Variants in ANKMY1 observed in about 807,000 individuals in gnomAD.
ANKMY1 encodes ankyrin repeat and MYND domain-containing protein 1.
A neutral mutation model predicts 102.0 loss-of-function variants in ANKMY1; 98 were observed. That is an observed-to-expected ratio of 0.96 (90% CI 0.82 to 1.14). The LOEUF (loss-of-function observed/expected upper bound fraction) is 1.14, where lower values mean the gene tolerates loss of function less well. Among genes scored for constraint, ANKMY1 ranks in the 50% most tolerant of loss-of-function variants. The pLI is 0.00. For synonymous variants in ANKMY1, 582 were observed against 559.9 expected, an observed-to-expected ratio of 1.04 and a Z score of -0.56; for missense variants, 1,330 against 1,347.6, an observed-to-expected ratio of 0.99 and a Z score of 0.20.
chr2:240,529,238 T>C lies in ANKMY1; in HGVS notation c.752A>G (p.Asp251Gly). The change falls in exon 5 of 18, where the codon GAC becomes GGC. Residue 251 changes from aspartate (D) to glycine (G), a missense_variant. Asp to Gly is a moderately conservative substitution (Grantham distance 94). Transcript: ENST00000401804. This position sits in a 1 kb window ranked among gnomAD's most constrained non-coding sequence, Gnocchi z 4.2. ...CATTTCTGGAGGCAGCGTTAGGTTG[T>C]CATTCAGAAGAAACCGCTTATAGTC... ...FYDYKRFLLN[D>G]NLTLPPEMYV... 16 of 1,614,184 alleles carry C rather than the reference T, an allele frequency of 9.9e-6. No individual in the cohort carries two copies. Among genetic ancestry groups the C allele is most frequent in the Non-Finnish European group, 1.4e-5 (16 of 1,180,024 alleles).
At chr2:240,521,585 G>A (rs935203648) in intron 8 of ANKMY1, among the ~76,000 whole-genome samples, 7 of 125,088 alleles carry the variant, frequency 5.6e-5, no homozygotes, top group Non-Finnish European at 7.9e-5. Flanking sequence ...TGCAAGCTCC[G>A]CCTCCCAGGT....
At chr2:240,531,251 A>T (rs866511895) in intron 4 of ANKMY1, among the ~76,000 whole-genome samples, 1 of 152,244 alleles carries the variant, frequency 6.6e-6, no homozygotes, top group South Asian at 2.1e-4. Flanking sequence ...AGTGTCGACA[A>T]GGATGTGAAA....
chr2:240,503,174 G>C (rs10180897), intron 13 of ANKMY1, among the ~76,000 whole-genome samples: 1 of 152,064 alleles, frequency 6.6e-6, no homozygotes, highest in African/African-American at 2.4e-5. Flanking sequence ...CCAGCCCAGC[G>C]TGTGTCTCTG....
At chr2:240,552,741 C>T in intron 4 of ANKMY1, 173 bp downstream of exon 4, 1 of 1,021,408 alleles carries the variant, frequency 9.8e-7, no homozygotes, top group Non-Finnish European at 1.4e-6. Flanking sequence ...TGCAAGGAGG[C>T]TTTTATTTTC....
intron 4 of ANKMY1, 72 bp downstream of exon 4, chr2:240,552,842 T>A: frequency 6.2e-7 from 1 of 1,606,408 alleles, no homozygotes. Flanking sequence ...AGGACCGAAA[T>A]ATCTTTTTGT....
chr2:240,529,565 G>C lies in ANKMY1; in HGVS notation c.481-56C>G. On this transcript the variant is annotated intron_variant, in intron 4 of 17. Transcript: ENST00000401804. The surrounding 1 kb of genome is among the most constrained non-coding windows in gnomAD (Gnocchi z 4.2). ...GATAACGCGACCCAGCTGCACATGT[G>C]ATCATGTTTGTAACGTCAAAAGAAA... is the stretch of plus-strand genomic sequence containing the variant. The C allele has an allele frequency of 6.9e-7, 1 of 1,456,402 alleles. No homozygotes were observed. 90.2% of individuals were successfully genotyped at this position (1,456,402 alleles called of 1,614,324 possible).
At chr2:240,480,911 G>T (rs1286837999) in intron 17 of ANKMY1, 26 bp downstream of exon 17, 1 of 1,594,034 alleles carries the variant, frequency 6.3e-7, no homozygotes, top group Non-Finnish European at 8.6e-7. Flanking sequence ...CGGAACCCTT[G>T]CCTCCCAGCC....
At chr2:240,526,571 C>A in intron 5 of ANKMY1, 126 bp from the exon 6 acceptor site, 1 of 1,494,248 alleles carries the variant, frequency 6.7e-7, no homozygotes, top group South Asian at 1.3e-5. Flanking sequence ...CTGTTCACTC[C>A]TCAGGTACCC....
intron 10 of ANKMY1, 98 bp from the exon 11 acceptor site, chr2:240,512,099 C>A: frequency 1.4e-6 from 2 of 1,381,602 alleles, no homozygotes; most frequent in South Asian, 3.1e-5. Context: ...GCCTGCGGGT[C>A]TGGAGTCTCA....
rs915061527 is a variant in ANKMY1, at chr2:240,520,239, C to A, written c.2004+123G>T. 1.4e-6 allele frequency: 2 copies of A among 1,407,240 alleles called. No individual in the cohort carries two copies. The highest frequency in any genetic ancestry group is 2.1e-5 in the Admixed American group (1 of 48,530). 87.2% of individuals were successfully genotyped at this position (1,407,240 alleles called of 1,614,324 possible). A position where few individuals can be genotyped will look rare whatever the true frequency, so the allele number is the denominator to read the frequency against. On this transcript the variant is annotated intron_variant, in intron 9 of 17. Transcript: ENST00000401804. This position sits in a 1 kb window ranked among gnomAD's most constrained non-coding sequence, Gnocchi z 4.8. Reference sequence around the variant, plus strand: ...TGCGGCGCGCCGTCATCACTCACAGCCCAGGTGGTCGCCTGCAAGAGCCCA... The same window carrying A: ...TGCGGCGCGCCGTCATCACTCACAGACCAGGTGGTCGCCTGCAAGAGCCCA...
chr2:240,542,741 T>C (rs2089288361), intron 4 of ANKMY1, among the ~76,000 whole-genome samples: 1 of 149,092 alleles, frequency 6.7e-6, no homozygotes, highest in South Asian at 2.1e-4. Context: ...TATATATATG[T>C]ATAAATTTAT....
Position 240,512,890 on chromosome 2 carries a change from C to G in ANKMY1, c.2057G>C (p.Gly686Ala). ...CAACAGCAGCTCCACAATCTGTACC[C>G]CCTCCTCCCCAGGAAGGGCGGCAGC... ...HIAAALPGEE[G>A]VQIVELLLHA... The change falls in exon 10 of 18, where the codon GGG (glycine) becomes GCG (alanine). Residue 686 changes from glycine to alanine, a missense_variant. Coordinates refer to ENST00000401804, the MANE Select transcript of ANKMY1 (RefSeq NM_001282771.3). 6.2e-7 allele frequency: 1 copy of G among 1,613,990 alleles called. No homozygotes were observed. The highest frequency in any genetic ancestry group is 8.5e-7 in the Non-Finnish European group (1 of 1,179,980).
intron 13 of ANKMY1, among the ~76,000 whole-genome samples, chr2:240,502,486 C>G (rs56266945): frequency 6.6e-6 from 1 of 152,048 alleles, no homozygotes; most frequent in Non-Finnish European, 1.5e-5. Context: ...CTGGGAGTCA[C>G]TGGGGACAGC....
chr2:240,498,431 G>A (rs2077567252), intron 15 of ANKMY1, among the ~76,000 whole-genome samples: 2 of 151,104 alleles, frequency 1.3e-5, no homozygotes, highest in South Asian at 4.2e-4. Context: ...AGTGTGCTGT[G>A]TGGGTGGGGA....
chr2:240,481,004 G>A lies in ANKMY1; in HGVS notation c.2979C>T (p.Ser993=), dbSNP rs773208443. 3 of 1,613,980 alleles carry A rather than the reference G, an allele frequency of 1.9e-6. No individual in the cohort carries two copies. Among genetic ancestry groups the A allele is most frequent in the South Asian group, 2.2e-5 (2 of 91,074 alleles). The change falls in exon 17 of 18, where the codon AGC becomes AGT. Residue 993 remains serine, a synonymous_variant. Coordinates refer to ENST00000401804, the MANE Select transcript of ANKMY1 (RefSeq NM_001282771.3). Reference sequence around the variant, plus strand: ...TCCAGGCCTTGGTCTTGCAGTACTTGCTGCAGGTCAGGATCCCGTAGCAGC... The same window carrying A: ...TCCAGGCCTTGGTCTTGCAGTACTTACTGCAGGTCAGGATCCCGTAGCAGC... ...CPRCYGILTC[S]KYCKTKAWTE...
At chr2:240,471,262 T>C in the ANKMY1 span, among the ~76,000 whole-genome samples, 1 of 146,342 alleles carries the variant, frequency 6.8e-6, no homozygotes, top group South Asian at 2.2e-4. Flanking sequence ...CTCAAATTCT[T>C]TTTTTTTTTT....
chr2:240,515,345 G>A (rs528348840), intron 9 of ANKMY1, among the ~76,000 whole-genome samples: 14 of 152,190 alleles, frequency 9.2e-5, no homozygotes, highest in South Asian at 6.2e-4. Context: ...GACCAGCCTG[G>A]CCAACATGGT....
intron 16 of ANKMY1, 99 bp from the exon 17 acceptor site, chr2:240,481,196 G>A: frequency 6.8e-7 from 1 of 1,473,948 alleles, no homozygotes; most frequent in Non-Finnish European, 9.1e-7. Flanking sequence ...GAGCTCCTGG[G>A]CTATTCCCCA....
chr2:240,529,158 C>A lies in ANKMY1; in HGVS notation c.832G>T (p.Glu278Ter). Residue 278 changes from glutamate to a stop codon, truncating the protein, a stop_gained, in exon 5 of 18, where the codon GAG becomes TAG. Transcript: ENST00000401804. LOFTEE classifies it high-confidence loss of function. The surrounding 1 kb of genome is among the most constrained non-coding windows in gnomAD (Gnocchi z 4.2). ...TTGAGGAAGATGCGGGCGTCCAGCTCTTTGCGGAAAGAGCTTGTCATGGGC... is the reference window on the plus strand; with the variant it reads ...TTGAGGAAGATGCGGGCGTCCAGCTATTTGCGGAAAGAGCTTGTCATGGGC... ...HLPMTSSFRK[E>*]LDARIFLNEI... 1 of 1,614,202 alleles carries A rather than the reference C, an allele frequency of 6.2e-7. No homozygotes were observed. The highest frequency in any genetic ancestry group is 8.5e-7 in the Non-Finnish European group (1 of 1,180,034).
Sources: allele counts gnomAD v4.1 joint callset (sites outside exome capture counted in the v4.1 genomes callset), GRCh38; gene constraint gnomAD v4.1.1; non-coding constraint Gnocchi (gnomAD v3.1); transcripts MANE v1.5; gene names NCBI Gene and HGNC (gene_info 2026-07-23, HGNC 2026-07-21).